Variants in DCC observed in about 807,000 individuals in gnomAD.
DCC encodes netrin receptor DCC.
Under a neutral mutation model 172.5 loss-of-function variants are expected in DCC, and 58 were observed. The ratio of observed to expected loss-of-function variants is 0.34; its 90% CI spans 0.27 to 0.42. The LOEUF (loss-of-function observed/expected upper bound fraction) is 0.42, where lower values mean the gene tolerates loss of function less well. Among genes scored for constraint, DCC ranks in the 10% least tolerant of loss-of-function variants. The pLI is 1.00. For missense variants in DCC, 1,740 were observed against 1,791.0 expected, an observed-to-expected ratio of 0.97 and a Z score of 0.51; for synonymous variants, 709 against 644.5, an observed-to-expected ratio of 1.10 and a Z score of -1.52.
chr18:52,922,484 C>T (rs905915187), intron 3 of DCC, among the ~76,000 whole-genome samples: 9 of 152,152 alleles, frequency 5.9e-5, no homozygotes, highest in African/African-American at 1.9e-4. Flanking sequence ...CGATTCTCCT[C>T]ACCCCGATCC....
intron 12 of DCC, among the ~76,000 whole-genome samples, chr18:53,251,792 A>G (rs975169599): frequency 2.0e-5 from 3 of 151,962 alleles, no homozygotes; most frequent in Admixed American, 6.6e-5. Context: ...ATGAAGCACC[A>G]TATCCCACCA....
intron 25 of DCC, among the ~76,000 whole-genome samples, chr18:53,477,544 A>C (rs543542595): frequency 2.6e-5 from 4 of 152,158 alleles, no homozygotes; most frequent in Admixed American, 2.6e-4. Flanking sequence ...TCACATATAT[A>C]AAGATCGTTG....
At chr18:53,077,986 C>T (rs1409589560) in intron 7 of DCC, among the ~76,000 whole-genome samples, 4 of 152,140 alleles carry the variant, frequency 2.6e-5, no homozygotes. Flanking sequence ...AGGTGAATAT[C>T]ACATAATTGT....
At chr18:52,820,456 G>A (rs1020831435) in intron 2 of DCC, among the ~76,000 whole-genome samples, 14 of 150,640 alleles carry the variant, frequency 9.3e-5, no homozygotes, top group African/African-American at 3.2e-4. Flanking sequence ...AATATAAAAT[G>A]TTTTTAATGT....
At chr18:53,277,432 C>A (rs573134825) in intron 12 of DCC, among the ~76,000 whole-genome samples, 8 of 152,150 alleles carry the variant, frequency 5.3e-5, no homozygotes, top group Non-Finnish European at 1.2e-4. Context: ...CCTGAGGATT[C>A]CTCCAGCACT....
intron 1 of DCC, among the ~76,000 whole-genome samples, chr18:52,500,896 A>G (rs1295487630): frequency 6.6e-6 from 1 of 152,144 alleles, no homozygotes; most frequent in East Asian, 1.9e-4. Context: ...AGGTATTGAA[A>G]TCCTTAAGCA....
At chr18:53,102,971 A>G (rs2144224261) in intron 7 of DCC, among the ~76,000 whole-genome samples, 1 of 152,254 alleles carries the variant, frequency 6.6e-6, no homozygotes, top group Middle Eastern at 3.4e-3. Context: ...TAAATTTCAG[A>G]GAGAATTTTG....
intron 2 of DCC, among the ~76,000 whole-genome samples, chr18:52,871,306 T>C (rs2039314505): frequency 6.6e-6 from 1 of 151,252 alleles, no homozygotes; most frequent in South Asian, 2.1e-4. Flanking sequence ...TAAAATAAGA[T>C]GAGAAAGAAC....
At chr18:53,126,970 A>G (rs954337417) in intron 7 of DCC, among the ~76,000 whole-genome samples, 1 of 152,114 alleles carries the variant, frequency 6.6e-6, no homozygotes, top group Non-Finnish European at 1.5e-5. Context: ...GACACAAGAG[A>G]GAAAGATAAG....
chr18:52,839,319 T>A (rs963136035), intron 2 of DCC, among the ~76,000 whole-genome samples: 4 of 152,182 alleles, frequency 2.6e-5, no homozygotes, highest in Non-Finnish European at 4.4e-5. Flanking sequence ...GAGTCATCAT[T>A]TATCACAATA....
At chr18:52,373,893 T>C (rs1024001582) in intron 1 of DCC, among the ~76,000 whole-genome samples, 1 of 144,216 alleles carries the variant, frequency 6.9e-6, no homozygotes, top group East Asian at 2.0e-4. Flanking sequence ...GCATCATTTT[T>C]TTTTTTTTTT....
At chr18:52,588,853 A>G (rs1001977888) in intron 1 of DCC, among the ~76,000 whole-genome samples, 1 of 151,420 alleles carries the variant, frequency 6.6e-6, no homozygotes, top group African/African-American at 2.4e-5. Context: ...TACCAATGAT[A>G]TGCCAACAGC....
intron 12 of DCC, among the ~76,000 whole-genome samples, chr18:53,289,105 T>G (rs571899693): frequency 5.3e-5 from 8 of 152,260 alleles, no homozygotes; most frequent in African/African-American, 1.9e-4. Context: ...TTACAGACAT[T>G]AATTAGTTCA....
chr18:52,910,724 CT>C (rs2039959892), intron 3 of DCC, among the ~76,000 whole-genome samples: 1 of 152,112 alleles, frequency 6.6e-6, no homozygotes, highest in African/African-American at 2.4e-5. Context: ...CAATGGAATT[CT>C]TTAGTTTGCC....
intron 1 of DCC, among the ~76,000 whole-genome samples, chr18:52,693,779 T>C (rs1599024151): frequency 1.3e-5 from 2 of 152,036 alleles, no homozygotes; most frequent in South Asian, 4.1e-4. Context: ...GAGCTCCCAA[T>C]TGTCAGAGCT....
At chr18:53,447,503 T>C (rs1173823626) in intron 22 of DCC, among the ~76,000 whole-genome samples, 1 of 152,184 alleles carries the variant, frequency 6.6e-6, no homozygotes, top group Non-Finnish European at 1.5e-5. Context: ...GTTATTTTTT[T>C]TGACTTGGAA....
intron 1 of DCC, among the ~76,000 whole-genome samples, chr18:52,711,779 A>G (rs17682463): frequency 0.044 from 6,770 of 152,232 alleles, 220 homozygotes; most frequent in South Asian, 0.13. Flanking sequence ...CCCTTGTGGT[A>G]ATAGCATGGC....
chr18:52,815,405 CACACGT>C (rs962135411), intron 2 of DCC, among the ~76,000 whole-genome samples: 1 of 50,264 alleles, frequency 2.0e-5, no homozygotes, highest in African/African-American at 6.6e-5. Flanking sequence ...CTTGCCTTCT[CACACGT>C]ACACACACAC....
At chr18:52,405,142 T>C (rs1362487379) in intron 1 of DCC, among the ~76,000 whole-genome samples, 2 of 150,890 alleles carry the variant, frequency 1.3e-5, no homozygotes, top group Non-Finnish European at 3.0e-5. Context: ...TGTGTCTTTA[T>C]AGCAGCATGA....
Sources: gnomAD v4.1 joint callset for allele counts (sites outside exome capture counted in the v4.1 genomes callset) on GRCh38, gnomAD v4.1.1 for gene constraint, MANE v1.5 for transcripts, NCBI Gene and HGNC (gene_info 2026-07-23, HGNC 2026-07-21) for gene names.